GRIN1: variants seen among roughly 807,000 people sequenced by gnomAD.
The protein encoded by GRIN1 is glutamate receptor ionotropic, NMDA 1.
Under a neutral mutation model 103.0 loss-of-function variants are expected in GRIN1, and 38 were observed. The observed-to-expected ratio is 0.37, with a 90% CI of 0.28 to 0.48. The LOEUF (loss-of-function observed/expected upper bound fraction) is 0.48, where lower values mean the gene tolerates loss of function less well. Ranked by LOEUF, GRIN1 falls within the 20% of genes least tolerant of loss-of-function variation. The pLI, the probability that GRIN1 is intolerant of heterozygous loss-of-function variation, is 0.98. For synonymous variants in GRIN1, 544 were observed against 532.7 expected, an observed-to-expected ratio of 1.02 and a Z score of -0.29; for missense variants, 577 against 1,288.9, an observed-to-expected ratio of 0.45 and a Z score of 8.46.
Position 137,162,152 on chromosome 9 carries a change from G to A in GRIN1, c.1633-20G>A. ...GTCCCTGGAGGGCCCGGGCCGCGCT[G>A]ACCTCGCGTCCCTCCGCAGGAGATT... On this transcript the variant is annotated intron_variant, in intron 11 of 19. Transcript: ENST00000371561. 2.6e-6 allele frequency: 4 copies of A among 1,542,944 alleles called. No homozygotes were observed. Among genetic ancestry groups the A allele is most frequent in the Non-Finnish European group, 3.5e-6 (4 of 1,145,474 alleles).
In GRIN1 at chr9:137,163,783, G is replaced by A. The variant is rs2131303171; in HGVS notation, c.2468G>A (p.Gly823Asp). ...MAGVFMLVAG[G>D]IVAGIFLIFI... The stretch of plus-strand genomic sequence containing the variant: ...GGGGTCTTCATGCTGGTAGCTGGGG[G>A]CATCGTGGCCGGGATCTTCCTGATT... The change falls in exon 18 of 20, where the codon GGC (glycine) becomes GAC (aspartate). Residue 823 changes from glycine to aspartate, a missense_variant. Around this residue, in one of 9 missense-constraint regions of GRIN1, gnomAD observed 13 missense variants for 100.3 expected, o/e 0.13. Transcript: ENST00000371561. 6.2e-7 allele frequency: 1 copy of A among 1,613,686 alleles called. No homozygotes were observed. The highest frequency in any genetic ancestry group is 8.5e-7 in the Non-Finnish European group (1 of 1,179,956).
At chr9:137,144,284 T>A (rs1212394233) in intron 2 of GRIN1, among the ~76,000 whole-genome samples, 1 of 150,910 alleles carries the variant, frequency 6.6e-6, no homozygotes, top group Non-Finnish European at 1.5e-5. Context: ...GGGAGAGAGG[T>A]TCCCAGGGTC....
Position 137,163,296 on chromosome 9 carries a change from C to A in GRIN1, c.2299C>A (p.Pro767Thr). Residue 767 changes from proline to threonine, a missense_variant, in exon 16 of 20, where the codon CCC becomes ACC. Pro to Thr is a conservative substitution (Grantham distance 38). Coordinates refer to ENST00000371561, the MANE Select transcript of GRIN1 (RefSeq NM_007327.4). ...GFGIGMRKDS[P>T]WKQNVSLSIL... ...CGGCATAGGCATGCGCAAAGACAGCCCCTGGAAGCAGAACGTCTCCCTGTC... is the reference window on the plus strand; with the variant it reads ...CGGCATAGGCATGCGCAAAGACAGCACCTGGAAGCAGAACGTCTCCCTGTC... 1 of 1,613,740 alleles carries A rather than the reference C, an allele frequency of 6.2e-7. No homozygotes were observed. Among genetic ancestry groups the A allele is most frequent in the Non-Finnish European group, 8.5e-7 (1 of 1,179,938 alleles).
chr9:137,162,332 G>C, intron 12 of GRIN1, 42 bp downstream of exon 12: 1 of 1,549,446 alleles, frequency 6.5e-7, no homozygotes. Context: ...TCTGCGGGGC[G>C]CGGAGCCGGC....
At chr9:137,148,255 G>A (rs1280207400) in intron 3 of GRIN1, 19 of 1,413,682 alleles carry the variant, frequency 1.3e-5, no homozygotes, top group Non-Finnish European at 1.7e-5. Context: ...CGGCTAGGGA[G>A]CCCTGGCCTC....
Position 137,156,702 on chromosome 9 carries a change from C to T in GRIN1, c.705C>T (p.Ala235=), listed in dbSNP as rs201343933. The T allele has an allele frequency of 1.0e-4, 166 of 1,596,612 alleles. No individual in the cohort carries two copies. Among genetic ancestry groups the T allele is most frequent in the Non-Finnish European group, 1.3e-4 (155 of 1,172,654 alleles). Residue 235 remains alanine (A), a synonymous_variant, in exon 5 of 20, where the codon GCC becomes GCT. Transcript: ENST00000371561. Reference sequence around the variant, plus strand: ...ATGCTGCCACTGTATACCGCGCAGCCGCGATGCTGAACATGACGGGCTCCG... The same window carrying T: ...ATGCTGCCACTGTATACCGCGCAGCTGCGATGCTGAACATGACGGGCTCCG... The part of the protein sequence containing the change: ...EDDAATVYRA[A]AMLNMTGSGY...
At chr9:137,153,843 C>A (rs2131259757) in intron 4 of GRIN1, among the ~76,000 whole-genome samples, 1 of 152,326 alleles carries the variant, frequency 6.6e-6, no homozygotes, top group South Asian at 2.1e-4. Context: ...TAGAGTCTTG[C>A]TCTGTTGCCC....
chr9:137,165,443 G>A (rs1019293263), intron 19 of GRIN1, 147 bp downstream of exon 19: 11 of 688,926 alleles, frequency 1.6e-5, no homozygotes, highest in African/African-American at 5.3e-5. Context: ...TGCCCAGCCC[G>A]CCCATGCTGC....
chr9:137,157,461 C>G (rs1331452172), intron 6 of GRIN1, among the ~76,000 whole-genome samples: 1 of 152,232 alleles, frequency 6.6e-6, no homozygotes, highest in East Asian at 1.9e-4. Flanking sequence ...GCCTCCGCCC[C>G]TACTTTCCAC....
chr9:137,163,108 C>G, intron 15 of GRIN1, 61 bp from the exon 16 acceptor site: 1 of 1,595,038 alleles, frequency 6.3e-7, no homozygotes, highest in Non-Finnish European at 8.5e-7. Flanking sequence ...CCGGAGGGCG[C>G]GGGCGTGGGG....
intron 2 of GRIN1, 28 bp from the exon 3 acceptor site, chr9:137,145,697 TC>T: frequency 6.2e-7 from 1 of 1,602,672 alleles, no homozygotes; most frequent in East Asian, 2.2e-5. Flanking sequence ...CGGGTCCACC[TC>T]AGCCCGCCGT....
rs1357739988 is a variant in GRIN1 at position 137,168,108 on chromosome 9, A to T, written c.*581A>T. The T allele has an allele frequency of 2.9e-5, 16 of 556,496 alleles. No homozygotes were observed. The highest frequency in any genetic ancestry group is 2.9e-5 in the Non-Finnish European group (9 of 313,644). 34.5% of individuals were successfully genotyped at this position (556,496 alleles called of 1,614,324 possible). A position where few individuals can be genotyped will look rare whatever the true frequency, so the allele number is the denominator to read the frequency against. On this transcript the variant is annotated 3_prime_UTR_variant, in exon 20 of 20. Coordinates refer to ENST00000371561, the MANE Select transcript of GRIN1 (RefSeq NM_007327.4). ...CAGAGGCAGGGCCCTGGGGTCTCTG[A>T]GCAGTGGGGAGCGGGGGCTAACTGG...
chr9:137,163,439 G>A (rs1833674456), intron 16 of GRIN1, 109 bp downstream of exon 16: 6 of 1,461,670 alleles, frequency 4.1e-6, no homozygotes, highest in South Asian at 2.3e-5. Flanking sequence ...CACCCAGGCC[G>A]GGCGCTGCCC....
intron 10 of GRIN1, 116 bp from the exon 11 acceptor site, chr9:137,161,808 G>A (rs2131295487): frequency 1.9e-6 from 2 of 1,069,158 alleles, no homozygotes; most frequent in East Asian, 5.2e-5. Context: ...TGCGAGCTGG[G>A]TAGGGTCTTG....
At position 137,161,079 on chromosome 9, in the gene GRIN1, C is replaced by T. The variant is rs561986942; in HGVS notation, c.1221C>T (p.Pro407=). 4 of 1,612,976 alleles carry T rather than the reference C, an allele frequency of 2.5e-6. No individual in the cohort carries two copies. In the East Asian group the frequency reaches 8.9e-5, roughly 36 times the overall value. ...AGATTGTGACGATCCACCAGGAGCCCTTCGTGTACGTCAAGCCCACGCTGA... is the reference window on the plus strand; with the variant it reads ...AGATTGTGACGATCCACCAGGAGCCTTTCGTGTACGTCAAGCCCACGCTGA... ...RLKIVTIHQE[P]FVYVKPTLSD... is the part of the protein sequence containing the mutation. The change falls in exon 9 of 20, where the codon CCC becomes CCT. Residue 407 remains proline, a synonymous_variant. Coordinates refer to ENST00000371561, the MANE Select transcript of GRIN1 (RefSeq NM_007327.4).
chr9:137,150,776 G>C (rs1195965590), intron 4 of GRIN1, among the ~76,000 whole-genome samples: 3 of 130,320 alleles, frequency 2.3e-5, no homozygotes, highest in Non-Finnish European at 4.8e-5. Flanking sequence ...CCCAAGGAAA[G>C]CCCTGCCCAG....
intron 18 of GRIN1, chr9:137,164,972 C>T: frequency 1.8e-6 from 1 of 564,796 alleles, no homozygotes; most frequent in South Asian, 1.9e-5. Context: ...CCAAGCCCAG[C>T]CCCAGCACGA....
intron 17 of GRIN1, 22 bp downstream of exon 17, chr9:137,163,690 C>T (rs924612427): frequency 3.1e-6 from 5 of 1,612,884 alleles, no homozygotes; most frequent in Admixed American, 3.3e-5. Context: ...TTCATCCATT[C>T]TCGGGTGGGT....
chr9:137,144,479 C>T (rs1308253488), intron 2 of GRIN1, among the ~76,000 whole-genome samples: 1 of 151,652 alleles, frequency 6.6e-6, no homozygotes. Context: ...ACGGTGAAAC[C>T]CCATCTCCAC....
Sources: gnomAD v4.1 joint callset for allele counts (sites outside exome capture counted in the v4.1 genomes callset) on GRCh38, gnomAD v4.1.1 for gene constraint, gnomAD v4.1.1 regional missense constraint, MANE v1.5 for transcripts, NCBI Gene and HGNC (gene_info 2026-07-23, HGNC 2026-07-21) for gene names.